ACTMAP: variants seen among roughly 807,000 people sequenced by gnomAD.
ACTMAP encodes the protein actin maturation protease, also known as UPF0692 protein C19orf54.
chr19:40,744,253 G>A, the ACTMAP span: 1 of 1,487,790 alleles, frequency 6.7e-7, no homozygotes, highest in Non-Finnish European at 9.0e-7. Flanking sequence ...ACCGTGCTGA[G>A]GGCTCACAGT....
chr19:40,740,908 G>A, the ACTMAP span: 2 of 398,430 alleles, frequency 5.0e-6, no homozygotes, highest in Non-Finnish European at 8.8e-6. Context: ...TGGACACGTG[G>A]GCTGGGTGGG....
chr19:40,746,699 G>A, the ACTMAP span, among the ~76,000 whole-genome samples: 4 of 151,826 alleles, frequency 2.6e-5, no homozygotes, highest in African/African-American at 7.3e-5. Context: ...TAGTAGATAC[G>A]GGGTTTCTCC....
chr19:40,749,586 A>G, the ACTMAP span: 1 of 1,551,222 alleles, frequency 6.4e-7, no homozygotes, highest in Non-Finnish European at 8.7e-7. Context: ...CTCCAGGCCG[A>G]AGACATGACG....
the ACTMAP span, chr19:40,744,070 A>C: frequency 3.1e-6 from 5 of 1,613,782 alleles, no homozygotes; most frequent in Non-Finnish European, 4.2e-6. Flanking sequence ...GGGATACGGG[A>C]TGAGCAGGGG....
At chr19:40,744,909 G>T in the ACTMAP span, 14 of 799,948 alleles carry the variant, frequency 1.8e-5, no homozygotes, top group Non-Finnish European at 2.5e-5. Context: ...CCAAGGTGGA[G>T]TTAGAGAGAT....
the ACTMAP span, among the ~76,000 whole-genome samples, chr19:40,745,873 T>C: frequency 2.0e-5 from 3 of 152,130 alleles, no homozygotes; most frequent in Non-Finnish European, 2.9e-5. Context: ...GGTTTCACCA[T>C]GTTGGCCAGG....
At chr19:40,744,777 TC>T in the ACTMAP span, 1 of 1,445,536 alleles carries the variant, frequency 6.9e-7, no homozygotes, top group Non-Finnish European at 9.2e-7. Flanking sequence ...CCTGGAGGAG[TC>T]CCCCTCCCCT....
the ACTMAP span, chr19:40,749,896 GT>G: frequency 9.5e-7 from 1 of 1,048,276 alleles, no homozygotes; most frequent in Non-Finnish European, 1.3e-6. Flanking sequence ...GATTTTAAAG[GT>G]TTAAGAGCTG....
the ACTMAP span, among the ~76,000 whole-genome samples, chr19:40,748,524 GT>G: frequency 6.6e-6 from 1 of 152,022 alleles, no homozygotes; most frequent in African/African-American, 2.4e-5. Flanking sequence ...TCCCACCTGG[GT>G]CCCTGGATGT....
the ACTMAP span, chr19:40,744,053 A>T: frequency 8.1e-6 from 13 of 1,613,882 alleles, no homozygotes; most frequent in Non-Finnish European, 1.1e-5. Flanking sequence ...CCTCTCTCCC[A>T]GGCCCTGGGA....
chr19:40,749,442 G>C, the ACTMAP span: 1 of 1,493,058 alleles, frequency 6.7e-7, no homozygotes, highest in Non-Finnish European at 9.1e-7. Context: ...AAGTGTCTAG[G>C]GCAGAGCCTG....
the ACTMAP span, chr19:40,749,618 G>A: frequency 6.6e-4 from 1,027 of 1,550,262 alleles, 6 homozygotes; most frequent in African/African-American, 0.012. Context: ...CTGTGGCAGC[G>A]GGTGGAGGAG....
At chr19:40,741,961 A>G in the ACTMAP span, 1 of 440,588 alleles carries the variant, frequency 2.3e-6, no homozygotes. Flanking sequence ...AAAGTTAAGG[A>G]GTGATCCGCA....
At chr19:40,744,283 CA>C in the ACTMAP span, 2 of 1,449,680 alleles carry the variant, frequency 1.4e-6, no homozygotes, top group South Asian at 2.8e-5. Context: ...TTCCAACCCT[CA>C]CCATGACCTT....
chr19:40,744,841 T>C, the ACTMAP span: 4 of 1,208,992 alleles, frequency 3.3e-6, no homozygotes, highest in East Asian at 7.7e-5. Context: ...AGCCCAGGGC[T>C]GGAGGGCTGG....
At chr19:40,746,711 T>C in the ACTMAP span, among the ~76,000 whole-genome samples, 7 of 151,912 alleles carry the variant, frequency 4.6e-5, no homozygotes, top group East Asian at 2.0e-4. Flanking sequence ...GGTTTCTCCA[T>C]GTTGGTCAGG....
At chr19:40,749,423 A>T in the ACTMAP span, 4 of 1,372,486 alleles carry the variant, frequency 2.9e-6, no homozygotes, top group Non-Finnish European at 4.0e-6. Context: ...CCACCCCAAG[A>T]GATCTGTGAA....
chr19:40,744,582 G>A, the ACTMAP span: 68 of 1,613,600 alleles, frequency 4.2e-5, no homozygotes, highest in African/African-American at 2.8e-4. Context: ...TCCCTGGGCC[G>A]TGTAGCCTCT....
the ACTMAP span, among the ~76,000 whole-genome samples, chr19:40,747,152 G>A: frequency 2.0e-5 from 3 of 152,088 alleles, no homozygotes; most frequent in African/African-American, 4.8e-5. Context: ...GGCAAGGTTC[G>A]GTTTGGGTGT....
Sources: gnomAD v4.1 joint callset for allele counts (sites outside exome capture counted in the v4.1 genomes callset) on GRCh38, gnomAD v4.1.1 for gene constraint, MANE v1.5 for transcripts, NCBI Gene and HGNC (gene_info 2026-07-23, HGNC 2026-07-21) for gene names.